Variants in GNAQ observed in about 807,000 individuals in gnomAD.
GNAQ encodes the protein guanine nucleotide-binding protein G(q) subunit alpha.
Under a neutral mutation model 43.9 loss-of-function variants are expected in GNAQ, and 8 were observed. The observed-to-expected ratio is 0.18, with a 90% confidence interval of 0.11 to 0.33. The LOEUF is 0.33. GNAQ is among the 10% of genes least tolerant of loss of function. The probability of loss-of-function intolerance (pLI) is 1.00; values close to 1 mark genes in which losing one functional copy is unlikely to be tolerated. For missense variants in GNAQ, 158 were observed against 450.8 expected (o/e 0.35, Z 5.88); for synonymous variants, 155 against 170.7 (o/e 0.91, Z 0.71).
At position 77,899,263 on chromosome 9, in the gene GNAQ, A is replaced by AT. The variant is rs377254187; in HGVS notation, c.321+22897dup. Among the ~76,000 whole-genome samples, 611 of 151,998 alleles carry AT rather than the reference A, an allele frequency of 4.0e-3. 7 individuals are homozygous for AT. The highest frequency in any genetic ancestry group is 0.014 in the African/African-American group (591 of 41,448). Reference sequence around the variant, plus strand: ...AGGCATGCACCACCACACCCAGCCAATTTTTTTATTTTTAGTAGAGATGGG... The same window carrying AT: ...AGGCATGCACCACCACACCCAGCCAATTTTTTTTATTTTTAGTAGAGATGGG... On this transcript the variant is annotated intron_variant, in intron 2 of 6. Transcript: ENST00000286548.
intron 1 of GNAQ, among the ~76,000 whole-genome samples, chr9:77,947,893 C>T (rs1456971605): frequency 6.6e-6 from 1 of 152,150 alleles, no homozygotes; most frequent in East Asian, 1.9e-4. Context: ...AGCTACTTAA[C>T]AGCTGTGGGA....
Position 77,915,924 on chromosome 9 carries a change from C to A in GNAQ, c.321+6237G>T, listed in dbSNP as rs138250634. ...ACCATCATTCCCCTTCTTCCACCAA[C>A]TGTACCCAGATTTCCCTCAGGGGCT... On this transcript the variant is annotated intron_variant, in intron 2 of 6. Coordinates refer to ENST00000286548, the MANE Select transcript of GNAQ (RefSeq NM_002072.5). Among the ~76,000 whole-genome samples the A allele has an allele frequency of 2.6e-3, 390 of 152,348 alleles. 2 individuals carry two copies. Among genetic ancestry groups the A allele is most frequent in the African/African-American group, 9.0e-3 (376 of 41,592 alleles).
At chr9:77,859,990 G>A (rs1293037325) in intron 2 of GNAQ, among the ~76,000 whole-genome samples, 1 of 152,148 alleles carries the variant, frequency 6.6e-6, no homozygotes, top group Non-Finnish European at 1.5e-5. Flanking sequence ...CTACATAAAT[G>A]CACAGACATC....
chr9:77,896,473 T>G (rs1433679709), intron 2 of GNAQ, among the ~76,000 whole-genome samples: 1 of 152,234 alleles, frequency 6.6e-6, no homozygotes, highest in South Asian at 2.1e-4. Context: ...AAGCTGTCAC[T>G]CATCCCTACC....
At chr9:77,829,851 G>C (rs1231935883) in intron 2 of GNAQ, among the ~76,000 whole-genome samples, 5 of 152,072 alleles carry the variant, frequency 3.3e-5, no homozygotes, top group Non-Finnish European at 7.4e-5. Context: ...TCTCAAACTG[G>C]GCTGAACATC....
At chr9:78,005,327 G>A (rs979822765) in intron 1 of GNAQ, among the ~76,000 whole-genome samples, 1 of 152,214 alleles carries the variant, frequency 6.6e-6, no homozygotes, top group African/African-American at 2.4e-5. Flanking sequence ...TTATAGGCAT[G>A]AGCCACTGTA....
chr9:77,758,027 T>G (rs1825931913), intron 5 of GNAQ, among the ~76,000 whole-genome samples: 1 of 152,232 alleles, frequency 6.6e-6, no homozygotes, highest in South Asian at 2.1e-4. Context: ...TAATGCTTCT[T>G]GATTAAACAC....
At chr9:77,881,955 T>C (rs928049655) in intron 2 of GNAQ, among the ~76,000 whole-genome samples, 4 of 151,976 alleles carry the variant, frequency 2.6e-5, no homozygotes, top group African/African-American at 4.8e-5. Context: ...TTGGCCAACA[T>C]AGTGAAACCC....
intron 3 of GNAQ, among the ~76,000 whole-genome samples, chr9:77,813,728 G>GCC (rs1826965789): frequency 6.6e-6 from 1 of 152,126 alleles, no homozygotes. Flanking sequence ...GATAATGGGG[G>GCC]CCTCTGACTA....
At chr9:77,804,677 A>G (rs1158673686) in intron 3 of GNAQ, among the ~76,000 whole-genome samples, 5 of 152,132 alleles carry the variant, frequency 3.3e-5, no homozygotes, top group Admixed American at 1.3e-4. Context: ...GGGGCTTTCA[A>G]TGTAGCATGA....
intron 1 of GNAQ, among the ~76,000 whole-genome samples, chr9:77,962,588 T>A (rs902260393): frequency 1.3e-5 from 2 of 151,728 alleles, no homozygotes; most frequent in African/African-American, 4.8e-5. Context: ...ATACAAGAGG[T>A]CTTCAAAAAG....
intron 5 of GNAQ, among the ~76,000 whole-genome samples, chr9:77,785,807 C>A (rs1423041220): frequency 6.6e-6 from 1 of 152,068 alleles, no homozygotes; most frequent in Non-Finnish European, 1.5e-5. Context: ...TATGAAATCA[C>A]AATTTGAAGC....
chr9:77,786,210 T>C (rs1160580157), intron 5 of GNAQ, among the ~76,000 whole-genome samples: 1 of 151,876 alleles, frequency 6.6e-6, no homozygotes, highest in Non-Finnish European at 1.5e-5. Context: ...ACCCAGTCTC[T>C]ACTAAAAATA....
intron 5 of GNAQ, among the ~76,000 whole-genome samples, chr9:77,752,161 T>G: frequency 6.6e-6 from 1 of 152,246 alleles, no homozygotes; most frequent in East Asian, 1.9e-4. Context: ...TGCAGTTGAA[T>G]TGTCAAACAG....
chr9:78,027,275 T>C (rs1823993985), intron 1 of GNAQ, among the ~76,000 whole-genome samples: 1 of 152,180 alleles, frequency 6.6e-6, no homozygotes, highest in Non-Finnish European at 1.5e-5. Flanking sequence ...ACATTATATA[T>C]TCCTATGTTT....
chr9:77,869,662 C>G (rs996960364), intron 2 of GNAQ, among the ~76,000 whole-genome samples: 1 of 152,172 alleles, frequency 6.6e-6, no homozygotes, highest in African/African-American at 2.4e-5. Flanking sequence ...CTTCAAAATG[C>G]AGCCTATAAA....
intron 1 of GNAQ, among the ~76,000 whole-genome samples, chr9:77,955,435 C>T (rs1444012554): frequency 2.6e-5 from 4 of 152,096 alleles, no homozygotes; most frequent in African/African-American, 9.7e-5. Context: ...GCCACTGCGC[C>T]GAGCCAAGAA....
At chr9:77,942,284 T>G (rs1829326899) in intron 1 of GNAQ, among the ~76,000 whole-genome samples, 1 of 152,096 alleles carries the variant, frequency 6.6e-6, no homozygotes, top group Admixed American at 6.5e-5. Flanking sequence ...CTTGTGAAGA[T>G]AAAACTGAGA....
chr9:77,960,010 T>C (rs987695757), intron 1 of GNAQ, among the ~76,000 whole-genome samples: 1 of 152,208 alleles, frequency 6.6e-6, no homozygotes, highest in Non-Finnish European at 1.5e-5. Flanking sequence ...GATAAATGGA[T>C]TCCTTGCCTC....
Sources: allele counts gnomAD v4.1 joint callset (sites outside exome capture counted in the v4.1 genomes callset), GRCh38; gene constraint gnomAD v4.1.1; transcripts MANE v1.5; gene names NCBI Gene and HGNC (gene_info 2026-07-23, HGNC 2026-07-21).